LOC128462377: variants seen among roughly 807,000 people sequenced by gnomAD.
the LOC128462377 span, chr16:89,392,636 G>GTTAA: frequency 6.6e-6 from 1 of 151,326 alleles, no homozygotes; most frequent in African/African-American, 2.4e-5. Context: ...AGCTACAGAA[G>GTTAA]TTAACGATCA....
the LOC128462377 span, among the ~76,000 whole-genome samples, chr16:89,394,652 T>A: frequency 6.6e-6 from 1 of 151,804 alleles, no homozygotes; most frequent in African/African-American, 2.4e-5. Context: ...ACAAACAACC[T>A]TTTGTGGAAA....
the LOC128462377 span, among the ~76,000 whole-genome samples, chr16:89,323,605 G>GA: frequency 2.1e-3 from 74 of 36,032 alleles, 14 homozygotes; most frequent in African/African-American, 4.2e-3. Context: ...GGCTGAGCCC[G>GA]GGGCAGGGGA....
the LOC128462377 span, among the ~76,000 whole-genome samples, chr16:89,379,383 T>C: frequency 6.6e-6 from 1 of 152,252 alleles, no homozygotes; most frequent in South Asian, 2.1e-4. Context: ...TTTCATTATA[T>C]GTCGAAAGCT....
chr16:89,359,927 T>C, the LOC128462377 span, among the ~76,000 whole-genome samples: 1 of 151,700 alleles, frequency 6.6e-6, no homozygotes, highest in Non-Finnish European at 1.5e-5. Flanking sequence ...CGGGGGCACA[T>C]GTGAGGGTGT....
the LOC128462377 span, among the ~76,000 whole-genome samples, chr16:89,344,317 T>C: frequency 2.0e-5 from 3 of 152,292 alleles, no homozygotes; most frequent in South Asian, 4.2e-4. Context: ...TATTTCCACA[T>C]GGCAAACAAA....
At chr16:89,325,325 C>A in the LOC128462377 span, among the ~76,000 whole-genome samples, 1 of 152,120 alleles carries the variant, frequency 6.6e-6, no homozygotes, top group African/African-American at 2.4e-5. Context: ...GCGGTCTCAG[C>A]TACCAGGGAG....
chr16:89,353,199 G>A, the LOC128462377 span, among the ~76,000 whole-genome samples: 4 of 151,930 alleles, frequency 2.6e-5, no homozygotes, highest in Admixed American at 6.6e-5. Flanking sequence ...AAAATTAGCC[G>A]TGCATGGTGG....
At chr16:89,390,940 T>C in the LOC128462377 span, among the ~76,000 whole-genome samples, 3 of 152,190 alleles carry the variant, frequency 2.0e-5, no homozygotes, top group Non-Finnish European at 4.4e-5. Flanking sequence ...ATAAAATTAT[T>C]GCACCAGGCT....
At chr16:89,410,912 G>A in the LOC128462377 span, among the ~76,000 whole-genome samples, 2 of 152,254 alleles carry the variant, frequency 1.3e-5, no homozygotes, top group Non-Finnish European at 2.9e-5. Flanking sequence ...TATGTACTGG[G>A]CCACAGAATA....
chr16:89,404,072 C>A, the LOC128462377 span, among the ~76,000 whole-genome samples: 4 of 152,192 alleles, frequency 2.6e-5, no homozygotes, highest in Admixed American at 2.6e-4. Flanking sequence ...ACTCTCAGAG[C>A]AAACGCTGCA....
the LOC128462377 span, chr16:89,324,000 C>T: frequency 4.4e-6 from 1 of 226,282 alleles, no homozygotes; most frequent in Non-Finnish European, 8.9e-6. Context: ...CAAACCAAAC[C>T]CCCAGTGTGC....
the LOC128462377 span, among the ~76,000 whole-genome samples, chr16:89,416,339 G>A: frequency 8.8e-4 from 133 of 151,538 alleles, 1 homozygote; most frequent in African/African-American, 3.2e-3. Context: ...TTGCTCTGTC[G>A]CCCAGGCTCA....
chr16:89,413,355 G>A, the LOC128462377 span, among the ~76,000 whole-genome samples: 9 of 152,214 alleles, frequency 5.9e-5, no homozygotes, highest in African/African-American at 2.2e-4. Context: ...ACTGGGCGCA[G>A]TGGCTCACGC....
At chr16:89,374,834 C>A in the LOC128462377 span, among the ~76,000 whole-genome samples, 1 of 152,120 alleles carries the variant, frequency 6.6e-6, no homozygotes, top group African/African-American at 2.4e-5. Flanking sequence ...CGGCAAGTCA[C>A]CCATCGATTT....
At chr16:89,393,314 A>G in the LOC128462377 span, among the ~76,000 whole-genome samples, 1 of 139,280 alleles carries the variant, frequency 7.2e-6, no homozygotes, top group Non-Finnish European at 1.6e-5. Flanking sequence ...TTTTATTTTT[A>G]TTTTTTTTTT....
the LOC128462377 span, among the ~76,000 whole-genome samples, chr16:89,416,578 G>C: frequency 6.6e-6 from 1 of 152,108 alleles, no homozygotes; most frequent in Non-Finnish European, 1.5e-5. Flanking sequence ...GATTACAGGC[G>C]TGAGCCACTG....
the LOC128462377 span, among the ~76,000 whole-genome samples, chr16:89,375,513 G>A: frequency 6.6e-6 from 1 of 151,904 alleles, no homozygotes; most frequent in Non-Finnish European, 1.5e-5. Flanking sequence ...GGGCTGGAGT[G>A]CAGTGGCACG....
chr16:89,369,395 G>A, the LOC128462377 span, among the ~76,000 whole-genome samples: 3 of 152,236 alleles, frequency 2.0e-5, no homozygotes, highest in Non-Finnish European at 4.4e-5. Flanking sequence ...CCTGCCACAG[G>A]GAGGGCTGTG....
chr16:89,402,287 C>G, the LOC128462377 span, among the ~76,000 whole-genome samples: 1 of 152,102 alleles, frequency 6.6e-6, no homozygotes, highest in Non-Finnish European at 1.5e-5. Context: ...GTAGAAAGAA[C>G]GAGGCTTGTC....
Sources: gnomAD v4.1 joint callset for allele counts (sites outside exome capture counted in the v4.1 genomes callset) on GRCh38, gnomAD v4.1.1 for gene constraint, MANE v1.5 for transcripts.